Variants in SH2B1 observed in about 807,000 individuals in gnomAD.
SH2B1 encodes the protein SH2B adapter protein 1.
Under a neutral mutation model 62.6 loss-of-function variants are expected in SH2B1, and 15 were observed. The observed-to-expected ratio is 0.24, with a 90% CI of 0.16 to 0.37. SH2B1 has a LOEUF of 0.37. Among genes scored for constraint, SH2B1 ranks in the 10% least tolerant of loss-of-function variants. SH2B1 has a pLI of 1.00. For synonymous variants in SH2B1, 443 were observed against 438.0 expected, an observed-to-expected ratio of 1.01 and a Z score of -0.14; for missense variants, 925 against 1,015.6, an observed-to-expected ratio of 0.91 and a Z score of 1.21.
chr16:28,873,517 G>A lies in SH2B1; in HGVS notation c.1968G>A (p.Gly656=). Residue 656 remains glycine, a synonymous_variant, in exon 8 of 8, where the codon GGG becomes GGA. Coordinates refer to ENST00000684370, the MANE Select transcript of SH2B1 (RefSeq NM_001387430.1). The surrounding 1 kb of genome is among the most constrained non-coding windows in gnomAD (Gnocchi z 4.2). ...PPSWTDPPQP[G]AEEASRAPEV... Reference sequence around the variant, plus strand: ...CATGGACAGATCCCCCACAGCCTGGGGCAGAAGAGGCGTCGAGGGCGCCAG... The same window carrying A: ...CATGGACAGATCCCCCACAGCCTGGAGCAGAAGAGGCGTCGAGGGCGCCAG... The A allele has an allele frequency of 6.2e-7, 1 of 1,601,356 alleles. No individual in the cohort carries two copies. Among genetic ancestry groups the A allele is most frequent in the Non-Finnish European group, 8.5e-7 (1 of 1,174,954 alleles).
chr16:28,860,966 G>A (rs568517818), upstream of SH2B1, among the ~76,000 whole-genome samples: 80 of 151,802 alleles, frequency 5.3e-4, 1 homozygote, highest in African/African-American at 1.5e-3. Flanking sequence ...ACAGGCACGC[G>A]CCACCACACG....
At chr16:28,871,369 C>G (rs762602708) in intron 4 of SH2B1, among the ~76,000 whole-genome samples, 6 of 152,116 alleles carry the variant, frequency 3.9e-5, no homozygotes, top group Non-Finnish European at 8.8e-5. Context: ...CACGGTGGCT[C>G]ACGCCTGTAA....
At position 28,852,755 on chromosome 16, in the gene SH2B1, T is replaced by TATTTAC. The variant is rs1402456883; in HGVS notation, c.-301+5930_-301+5931insTTACAT. ...ATATACATATATATATTTACATATATATGTATATATATATTTATATATATA... is the reference window on the plus strand; with the variant it reads ...ATATACATATATATATTTACATATATATTTACATGTATATATATATTTATATATATA... On this transcript the variant is annotated intron_variant, in intron 1 of 10. Coordinates refer to the SH2B1 transcript ENST00000322610. 3.2e-3 allele frequency among the ~76,000 whole-genome samples: 159 copies of TATTTAC among 49,288 alleles called. 26 individuals are homozygous for TATTTAC. The highest frequency in any genetic ancestry group is 0.023 in the Middle Eastern group (1 of 44). 32.3% of individuals were successfully genotyped at this position (49,288 alleles called of 152,430 possible).
At chr16:28,852,292 A>T (rs1469245650) in intron 1 of SH2B1, among the ~76,000 whole-genome samples, 4 of 77,554 alleles carry the variant, frequency 5.2e-5, no homozygotes, top group African/African-American at 2.4e-4. Flanking sequence ...ATATTTACAT[A>T]TATATATTTA....
chr16:28,873,216 A>G lies in SH2B1; in HGVS notation c.1898-231A>G. The G allele has an allele frequency of 6.2e-7, 1 of 1,603,446 alleles. No individual in the cohort carries two copies. ...ATGCGGGGGTGTGCGAGGGAGATGG[A>G]TGCCACCCCGATGCCTCCTGCACCC... On this transcript the variant is annotated intron_variant, in intron 7 of 7. Coordinates refer to ENST00000684370, the MANE Select transcript of SH2B1 (RefSeq NM_001387430.1). The surrounding 1 kb of genome is among the most constrained non-coding windows in gnomAD (Gnocchi z 4.2).
chr16:28,852,810 A>T (rs1962190279), intron 1 of SH2B1, among the ~76,000 whole-genome samples: 1 of 60,396 alleles, frequency 1.7e-5, no homozygotes, highest in African/African-American at 7.5e-5. Flanking sequence ...ATATATTTAC[A>T]TATATTTACA....
At position 28,866,625 on chromosome 16, in the gene SH2B1, C is replaced by T. The variant is rs779250528; in HGVS notation, c.531C>T (p.Asp177=). 1.9e-6 allele frequency: 3 copies of T among 1,613,758 alleles called. No individual in the cohort carries two copies. In the Admixed American group the frequency reaches 5.0e-5, roughly 27 times the overall value. ...TCCTGCAGTGGCGGGGGACCGTTGACCCTCCCTCCTCCGCTGGGCCCCTGG... is the reference window on the plus strand; with the variant it reads ...TCCTGCAGTGGCGGGGGACCGTTGATCCTCCCTCCTCCGCTGGGCCCCTGG... ...RGILQWRGTV[D]PPSSAGPLET... Residue 177 remains aspartate, a synonymous_variant, in exon 1 of 8, where the codon GAC becomes GAT. Coordinates refer to ENST00000684370, the MANE Select transcript of SH2B1 (RefSeq NM_001387430.1). The surrounding 1 kb of genome is among the most constrained non-coding windows in gnomAD (Gnocchi z 6.3).
upstream of SH2B1, chr16:28,863,494 C>G (rs1962521221): frequency 1.7e-6 from 1 of 599,422 alleles, no homozygotes; most frequent in African/African-American, 1.9e-5. Context: ...GCCTCATCAT[C>G]TCGCTGGTTT....
intron 1 of SH2B1, among the ~76,000 whole-genome samples, chr16:28,852,289 CATATATATATTTACAT>C (rs1962127101): frequency 6.0e-5 from 4 of 66,522 alleles, no homozygotes; most frequent in South Asian, 5.0e-4. Context: ...TATATATTTA[CATATATATATTTACAT>C]ATATATATTT....
chr16:28,856,301 C>A (rs1962324422), intron 1 of SH2B1, among the ~76,000 whole-genome samples: 2 of 149,248 alleles, frequency 1.3e-5, no homozygotes, highest in Admixed American at 6.7e-5. Flanking sequence ...CACACACACA[C>A]AAAAAAGTGC....
chr16:28,852,849 T>TTTATATATATATATA (rs1567459325), intron 1 of SH2B1, among the ~76,000 whole-genome samples: 3 of 43,396 alleles, frequency 6.9e-5, no homozygotes, highest in Non-Finnish European at 9.6e-5. Context: ...TACATATATA[T>TTTATATATATATATA]ATTTTTATAT....
intron 1 of SH2B1, among the ~76,000 whole-genome samples, chr16:28,857,806 C>T (rs1962355506): frequency 6.6e-6 from 1 of 150,550 alleles, no homozygotes; most frequent in African/African-American, 2.4e-5. Flanking sequence ...GTGGCGCAAT[C>T]TCGGCTCACT....
chr16:28,865,514 TG>T lies in SH2B1; in HGVS notation c.-577del, dbSNP rs1351053680. 3 of 985,486 alleles carry T rather than the reference TG, an allele frequency of 3.0e-6. No homozygotes were observed. The African/African-American group carries it at 5.2e-5, about 17-fold the overall frequency. 61.0% of individuals were successfully genotyped at this position (985,486 alleles called of 1,614,324 possible). A position where few individuals can be genotyped will look rare whatever the true frequency, so the allele number is the denominator to read the frequency against. On this transcript the variant is annotated 5_prime_UTR_variant, in exon 1 of 8. An upstream open reading frame in the 5' UTR loses its in-frame stop. Transcript: ENST00000684370. ...GGCTGAGGCTGGCCCAGCCGGGCCC[TG>T]GGGACAGGGACTATGAAGTGGGGAA...
intron 1 of SH2B1, among the ~76,000 whole-genome samples, chr16:28,857,266 G>A (rs1962339307): frequency 6.6e-6 from 1 of 150,476 alleles, no homozygotes; most frequent in African/African-American, 2.4e-5. Context: ...CTGGGCAACA[G>A]AGTGACTCTG....
intron 1 of SH2B1, among the ~76,000 whole-genome samples, chr16:28,847,724 C>T (rs1962008839): frequency 6.6e-6 from 1 of 151,042 alleles, no homozygotes; most frequent in Non-Finnish European, 1.5e-5. Context: ...GAGGCCGAGG[C>T]AGGAGGATCG....
chr16:28,866,286 C>T lies in SH2B1; in HGVS notation c.192C>T (p.Phe64=), dbSNP rs978410642. Residue 64 remains phenylalanine (F), a synonymous_variant, in exon 1 of 8, where the codon TTC becomes TTT. Coordinates refer to ENST00000684370, the MANE Select transcript of SH2B1 (RefSeq NM_001387430.1). This position sits in a 1 kb window ranked among gnomAD's most constrained non-coding sequence, Gnocchi z 6.3. The part of the protein sequence containing the change: ...QYAGPGAEAA[F]SRRFAELFLQ... ...CGGGGCCCGGGGCCGAGGCTGCCTT[C>T]TCCCGCCGTTTTGCTGAGCTCTTCC... The T allele has an allele frequency of 1.9e-6, 3 of 1,610,154 alleles. No homozygotes were observed. The highest frequency in any genetic ancestry group is 2.5e-6 in the Non-Finnish European group (3 of 1,178,994).
intron 1 of SH2B1, among the ~76,000 whole-genome samples, chr16:28,852,841 CATATATATATTTTTATATAT>C (rs1962196707): frequency 1.2e-4 from 4 of 32,728 alleles, no homozygotes; most frequent in Admixed American, 5.5e-4. Context: ...TATATATATA[CATATATATATTTTTATATAT>C]ATTTACATAT....
intron 1 of SH2B1, among the ~76,000 whole-genome samples, chr16:28,851,672 C>T (rs1298532289): frequency 6.7e-6 from 1 of 150,352 alleles, no homozygotes; most frequent in Non-Finnish European, 1.5e-5. Flanking sequence ...ACCATGTTGG[C>T]CAGGCTGGTC....
intron 1 of SH2B1, among the ~76,000 whole-genome samples, chr16:28,851,290 C>T (rs919061365): frequency 4.6e-5 from 7 of 151,842 alleles, no homozygotes; most frequent in East Asian, 3.9e-4. Context: ...CCCACACCTA[C>T]GCTCCTCCCC....
Sources: gnomAD v4.1 joint callset for allele counts (sites outside exome capture counted in the v4.1 genomes callset) on GRCh38, gnomAD v4.1.1 for gene constraint, Gnocchi (gnomAD v3.1) non-coding constraint, MANE v1.5 for transcripts, NCBI Gene and HGNC (gene_info 2026-07-23, HGNC 2026-07-21) for gene names.